The following ABTB3 variants were observed in gnomAD, a reference collection of about 807,000 sequenced individuals.
ABTB3 encodes the protein ankyrin repeat and BTB domain containing 3, also known as ankyrin repeat- and BTB/POZ domain-containing protein 3.
chr12:107,404,157 T>A, the ABTB3 span, among the ~76,000 whole-genome samples: 5 of 80,958 alleles, frequency 6.2e-5, no homozygotes, highest in South Asian at 5.2e-4. Context: ...AGAGAGACTC[T>A]AACTCAAAAA....
the ABTB3 span, among the ~76,000 whole-genome samples, chr12:107,526,713 C>T: frequency 6.6e-6 from 1 of 152,096 alleles, no homozygotes; most frequent in Admixed American, 6.5e-5. Flanking sequence ...TTGCTGTCCC[C>T]AGGCAATTAG....
the ABTB3 span, among the ~76,000 whole-genome samples, chr12:107,458,527 C>T: frequency 1.3e-5 from 2 of 152,170 alleles, no homozygotes; most frequent in South Asian, 4.2e-4. Context: ...CATGGTGGGG[C>T]CAATGGGGAC....
At chr12:107,380,931 A>G in the ABTB3 span, among the ~76,000 whole-genome samples, 3 of 152,176 alleles carry the variant, frequency 2.0e-5, no homozygotes, top group African/African-American at 7.2e-5. Context: ...ATTATACTAT[A>G]TATTCAGTTA....
At chr12:107,573,240 A>G in the ABTB3 span, among the ~76,000 whole-genome samples, 2 of 152,158 alleles carry the variant, frequency 1.3e-5, no homozygotes, top group African/African-American at 4.8e-5. Context: ...ACCTCAGCCA[A>G]TTGTGCATGA....
chr12:107,627,642 C>T, the ABTB3 span, among the ~76,000 whole-genome samples: 3 of 152,148 alleles, frequency 2.0e-5, no homozygotes, highest in African/African-American at 4.8e-5. Context: ...TAGCCTGCAG[C>T]CATGGTGACT....
At chr12:107,408,809 TA>T in the ABTB3 span, among the ~76,000 whole-genome samples, 1 of 152,228 alleles carries the variant, frequency 6.6e-6, no homozygotes, top group East Asian at 1.9e-4. Context: ...GGTGACTTTT[TA>T]TTCATCCATC....
chr12:107,657,624 G>A, the ABTB3 span: 1 of 1,614,144 alleles, frequency 6.2e-7, no homozygotes. Flanking sequence ...AATGGTGAAG[G>A]GACCGGCCAG....
chr12:107,346,895 C>A, the ABTB3 span, among the ~76,000 whole-genome samples: 1 of 152,174 alleles, frequency 6.6e-6, no homozygotes, highest in Non-Finnish European at 1.5e-5. Flanking sequence ...TCTGGTCCTG[C>A]AGGGAATGAA....
the ABTB3 span, among the ~76,000 whole-genome samples, chr12:107,647,820 G>C: frequency 1.3e-5 from 2 of 152,186 alleles, no homozygotes; most frequent in Non-Finnish European, 2.9e-5. Flanking sequence ...ACGAAACTGA[G>C]ACACACAGAG....
chr12:107,532,572 G>T, the ABTB3 span, among the ~76,000 whole-genome samples: 2 of 152,058 alleles, frequency 1.3e-5, no homozygotes, highest in Non-Finnish European at 2.9e-5. Context: ...CATAAAATTA[G>T]AAAAAGCACC....
the ABTB3 span, among the ~76,000 whole-genome samples, chr12:107,365,375 G>C: frequency 1.6e-4 from 24 of 152,192 alleles, no homozygotes; most frequent in African/African-American, 5.1e-4. Context: ...AGTTTTGGGG[G>C]ATATGAAGGA....
the ABTB3 span, among the ~76,000 whole-genome samples, chr12:107,446,236 G>C: frequency 6.6e-6 from 1 of 152,270 alleles, no homozygotes; most frequent in South Asian, 2.1e-4. Flanking sequence ...GATGATGTGG[G>C]CTTCTAGAGA....
chr12:107,376,464 C>T, the ABTB3 span, among the ~76,000 whole-genome samples: 6 of 152,172 alleles, frequency 3.9e-5, no homozygotes, highest in African/African-American at 1.2e-4. Flanking sequence ...CTTAACTGAA[C>T]AATGGGCTTA....
the ABTB3 span, among the ~76,000 whole-genome samples, chr12:107,428,531 GA>G: frequency 6.6e-6 from 1 of 152,196 alleles, no homozygotes; most frequent in Admixed American, 6.5e-5. Context: ...TCCTTGGTGG[GA>G]CAGTTCTGAG....
At chr12:107,635,512 AGT>A in the ABTB3 span, 1 of 778,712 alleles carries the variant, frequency 1.3e-6, no homozygotes, top group Non-Finnish European at 2.1e-6. Flanking sequence ...TCAGTACAGG[AGT>A]CAGGCCGGGG....
chr12:107,635,492 G>A, the ABTB3 span: 16 of 1,071,596 alleles, frequency 1.5e-5, no homozygotes, highest in Non-Finnish European at 2.1e-5. Flanking sequence ...GGGTTCAAGG[G>A]CAAACAAGGT....
chr12:107,347,313 G>T, the ABTB3 span, among the ~76,000 whole-genome samples: 6 of 152,246 alleles, frequency 3.9e-5, no homozygotes, highest in South Asian at 6.2e-4. Flanking sequence ...TAAATATAAA[G>T]TTAAATATGA....
the ABTB3 span, among the ~76,000 whole-genome samples, chr12:107,424,397 C>T: frequency 1.3e-5 from 2 of 152,194 alleles, no homozygotes; most frequent in South Asian, 4.1e-4. Flanking sequence ...CATTCAGGCC[C>T]ATATTCCTTC....
chr12:107,508,438 C>A, the ABTB3 span, among the ~76,000 whole-genome samples: 2 of 69,164 alleles, frequency 2.9e-5, no homozygotes, highest in South Asian at 6.1e-4. Flanking sequence ...AAGATCATTT[C>A]TTTTTTTTTT....
Sources: allele counts gnomAD v4.1 joint callset (sites outside exome capture counted in the v4.1 genomes callset), GRCh38; gene constraint gnomAD v4.1.1; transcripts MANE v1.5; gene names NCBI Gene and HGNC (gene_info 2026-07-23, HGNC 2026-07-21).